NALCN: variants seen among roughly 807,000 people sequenced by gnomAD.
NALCN encodes sodium leak channel NALCN.
Under a neutral mutation model 225.3 loss-of-function variants are expected in NALCN, and 111 were observed. The ratio of observed to expected loss-of-function variants is 0.49; its 90% CI spans 0.42 to 0.58. NALCN has a LOEUF of 0.58. NALCN is among the 20% of genes least tolerant of loss of function. The pLI is 0.00. For missense variants in NALCN, 1,378 were observed against 2,202.4 expected, an observed-to-expected ratio of 0.63 and a Z score of 7.49; for synonymous variants, 764 against 769.0, an observed-to-expected ratio of 0.99 and a Z score of 0.11.
At chr13:101,354,125 C>T (rs531274257) in intron 6 of NALCN, among the ~76,000 whole-genome samples, 1 of 152,132 alleles carries the variant, frequency 6.6e-6, no homozygotes, top group Non-Finnish European at 1.5e-5. Flanking sequence ...GGGCGGATCA[C>T]CTAAGGTCAG....
chr13:101,079,808 G>A (rs80183027), intron 34 of NALCN, among the ~76,000 whole-genome samples: 1 of 152,194 alleles, frequency 6.6e-6, no homozygotes, highest in East Asian at 1.9e-4. Flanking sequence ...GCTTCATACA[G>A]CCCCTGATGC....
At chr13:101,306,830 C>T (rs535850611) in intron 7 of NALCN, among the ~76,000 whole-genome samples, 1 of 152,292 alleles carries the variant, frequency 6.6e-6, no homozygotes, top group African/African-American at 2.4e-5. Flanking sequence ...TCCTGCCCTC[C>T]ATGCAAGCTT....
intron 13 of NALCN, among the ~76,000 whole-genome samples, chr13:101,217,431 G>C (rs747649867): frequency 6.6e-6 from 1 of 152,296 alleles, no homozygotes; most frequent in Non-Finnish European, 1.5e-5. Flanking sequence ...GTCCAAACTA[G>C]AACAGAAAGT....
chr13:101,371,476 A>C (rs2046538023), intron 6 of NALCN, among the ~76,000 whole-genome samples: 1 of 152,142 alleles, frequency 6.6e-6, no homozygotes, highest in Non-Finnish European at 1.5e-5. Context: ...GTGCCACTGT[A>C]CCCAGCTTGA....
At chr13:101,077,073 C>T (rs563052339) in intron 34 of NALCN, among the ~76,000 whole-genome samples, 1,279 of 109,744 alleles carry the variant, frequency 0.012, 12 homozygotes, top group Non-Finnish European at 0.023. Flanking sequence ...AAGGGGCTTC[C>T]CCTTTCACTG....
intron 3 of NALCN, 72 bp from the exon 4 acceptor site, chr13:101,378,725 T>C (rs2046763651): frequency 4.8e-6 from 6 of 1,256,808 alleles, no homozygotes; most frequent in Non-Finnish European, 6.8e-6. Context: ...GAGGAAAATG[T>C]CAAATATTAT....
chr13:101,143,171 C>G lies in NALCN; in HGVS notation c.2027G>C (p.Cys676Ser), dbSNP rs1345503450. 6.2e-7 allele frequency: 1 copy of G among 1,613,988 alleles called. No individual in the cohort carries two copies. The highest frequency in any genetic ancestry group is 1.7e-5 in the Admixed American group (1 of 60,002). The change falls in exon 17 of 44, where the codon TGC (cysteine) becomes TCC (serine). Residue 676 changes from cysteine (C) to serine (S), a missense_variant. This residue lies in a region of NALCN where 100 missense variants were observed against 89.4 expected (regional missense o/e 1.12). Coordinates refer to ENST00000251127, the MANE Select transcript of NALCN (RefSeq NM_052867.4). ...GGTGGTCGGGAGGCTTCTCAGGAGG[C>G]AACATGTGTCCTGTTGCTGGCGGTC... ...FIDRQQQDTC[C>S]LLRSLPTTSS...
intron 27 of NALCN, among the ~76,000 whole-genome samples, chr13:101,097,891 G>A (rs1471119295): frequency 6.6e-6 from 1 of 152,170 alleles, no homozygotes; most frequent in Non-Finnish European, 1.5e-5. Flanking sequence ...ATCAGGTTAG[G>A]TACTTCGCAT....
intron 34 of NALCN, among the ~76,000 whole-genome samples, chr13:101,078,000 C>T (rs1412511336): frequency 6.6e-6 from 1 of 152,200 alleles, no homozygotes; most frequent in African/African-American, 2.4e-5. Flanking sequence ...ACAGCTCAGG[C>T]TGATGCTTCA....
Position 101,255,441 on chromosome 13 carries a change from A to C in NALCN, c.1266+3002T>G, listed in dbSNP as rs528827033. Among the ~76,000 whole-genome samples the C allele has an allele frequency of 3.5e-5, 4 of 114,558 alleles. No individual in the cohort carries two copies. The South Asian group carries it at 1.2e-3, about 34-fold the overall frequency. 75.2% of individuals were successfully genotyped at this position (114,558 alleles called of 152,430 possible). ...GCTCCAGGACTGATTTAGTGTGACC[A>C]CCTGCCCACCCTGTGCTAGATCACA... On this transcript the variant is annotated intron_variant, in intron 11 of 43. Coordinates refer to ENST00000251127, the MANE Select transcript of NALCN (RefSeq NM_052867.4).
rs181548998 is a variant in NALCN, at chr13:101,343,879, A to G, written c.799+1387T>C. ...TTTGGGTACAATTGTTGCATTAAAA[A>G]CGGTGAGGGTATGAGGTGCTTTAGC... On this transcript the variant is annotated intron_variant, in intron 7 of 43. Transcript: ENST00000251127. Among the ~76,000 whole-genome samples, 454 of 152,302 alleles carry G rather than the reference A, an allele frequency of 3.0e-3. 2 individuals carry two copies. Among genetic ancestry groups the G allele is most frequent in the African/African-American group, 9.9e-3 (410 of 41,574 alleles).
At chr13:101,195,915 T>A (rs992576149) in intron 13 of NALCN, among the ~76,000 whole-genome samples, 1 of 152,180 alleles carries the variant, frequency 6.6e-6, no homozygotes, top group Non-Finnish European at 1.5e-5. Context: ...TTTGACAATA[T>A]TTACATTTTG....
Position 101,334,388 on chromosome 13 carries a change from A to T in NALCN, c.799+10878T>A, listed in dbSNP as rs7995133. 9.7e-3 allele frequency among the ~76,000 whole-genome samples: 804 copies of T among 82,824 alleles called. 13 individuals are homozygous for T. Among genetic ancestry groups the T allele is most frequent in the African/African-American group, 0.039 (664 of 17,198 alleles). The allele number at this position is 82,824 out of a possible 152,430, so 54.3% of individuals were successfully genotyped here. A position where few individuals can be genotyped will look rare whatever the true frequency, so the allele number is the denominator to read the frequency against. ...TAGGGGGAGCGGTAGGAGAGAGGCA[A>T]TCCAGGAAGAATGGGATGAACACAT... On this transcript the variant is annotated intron_variant, in intron 7 of 43. Transcript: ENST00000251127.
At chr13:101,247,067 G>T (rs1238013767) in intron 11 of NALCN, among the ~76,000 whole-genome samples, 1 of 152,184 alleles carries the variant, frequency 6.6e-6, no homozygotes, top group Non-Finnish European at 1.5e-5. Flanking sequence ...GCTAGGTCAA[G>T]AATCAGGCAA....
chr13:101,138,143 A>T (rs2036895749), intron 17 of NALCN, among the ~76,000 whole-genome samples: 2 of 152,168 alleles, frequency 1.3e-5, no homozygotes, highest in Admixed American at 1.3e-4. Context: ...TTTTACTTTC[A>T]TGCATGTATG....
At chr13:101,165,057 C>T (rs898817510) in intron 15 of NALCN, among the ~76,000 whole-genome samples, 1 of 152,172 alleles carries the variant, frequency 6.6e-6, no homozygotes, top group Non-Finnish European at 1.5e-5. Flanking sequence ...CCTGGAGCAT[C>T]AGGAATCCTT....
Position 101,355,096 on chromosome 13 carries a change from C to G in NALCN, c.645-9676G>C, listed in dbSNP as rs139684451. On this transcript the variant is annotated intron_variant, in intron 6 of 43. Coordinates refer to ENST00000251127, the MANE Select transcript of NALCN (RefSeq NM_052867.4). ...CTCTCTCTCGTGTTCATTCTTGTCA[C>G]GTGATGTGCCTGCTCCCCGTCTGCC... is the stretch of plus-strand genomic sequence containing the variant. Among the ~76,000 whole-genome samples the G allele has an allele frequency of 2.0e-3, 310 of 152,240 alleles. 2 individuals are homozygous for G. The highest frequency in any genetic ancestry group is 6.4e-3 in the African/African-American group (264 of 41,552).
chr13:101,309,899 G>A (rs1348660563), intron 7 of NALCN, among the ~76,000 whole-genome samples: 3 of 152,134 alleles, frequency 2.0e-5, no homozygotes, highest in Non-Finnish European at 4.4e-5. Flanking sequence ...AACATGTAAT[G>A]AAACCGAGAT....
intron 7 of NALCN, among the ~76,000 whole-genome samples, chr13:101,298,649 G>A (rs1002079465): frequency 5.3e-5 from 8 of 152,190 alleles, no homozygotes; most frequent in African/African-American, 1.7e-4. Context: ...AAAAGAGAGC[G>A]ATGAATAGTT....
Sources: gnomAD v4.1 joint callset for allele counts (sites outside exome capture counted in the v4.1 genomes callset) on GRCh38, gnomAD v4.1.1 for gene constraint, gnomAD v4.1.1 regional missense constraint, MANE v1.5 for transcripts, NCBI Gene and HGNC (gene_info 2026-07-23, HGNC 2026-07-21) for gene names.